EDEM3: variants seen among roughly 807,000 people sequenced by gnomAD.
EDEM3 encodes ER degradation enhancing alpha-mannosidase like protein 3, also known as ER degradation-enhancing alpha-mannosidase-like protein 3.
Under a neutral mutation model 110.2 loss-of-function variants are expected in EDEM3, and 60 were observed. The ratio of observed to expected loss-of-function variants is 0.54; its 90% CI spans 0.44 to 0.67. The LOEUF (loss-of-function observed/expected upper bound fraction) is 0.67. Ranked by LOEUF, EDEM3 falls within the 30% of genes least tolerant of loss-of-function variation. The pLI is 0.00. For missense variants in EDEM3, 996 were observed against 1,121.0 expected (o/e 0.89, Z 1.59); for synonymous variants, 352 against 382.9 (o/e 0.92, Z 0.94).
Position 184,691,560 on chromosome 1 carries a change from T to A in EDEM3, c.*2503A>T, listed in dbSNP as rs1649063037. 1 of 151,398 alleles carries A rather than the reference T, an allele frequency of 6.6e-6. No homozygotes were observed. Among genetic ancestry groups the A allele is most frequent in the Non-Finnish European group, 1.5e-5 (1 of 67,794 alleles). 9.4% of individuals were successfully genotyped at this position (151,398 alleles called of 1,614,324 possible). On this transcript the variant is annotated 3_prime_UTR_variant, in exon 20 of 20. Transcript: ENST00000318130. ...TTTCTAAATTCGGGGTTTCATAGAATCCCCTGAATCTTTAGCAAGTTACTA... is the reference window on the plus strand; with the variant it reads ...TTTCTAAATTCGGGGTTTCATAGAAACCCCTGAATCTTTAGCAAGTTACTA...
intron 16 of EDEM3, among the ~76,000 whole-genome samples, chr1:184,709,946 T>C (rs898898679): frequency 6.6e-6 from 1 of 152,198 alleles, no homozygotes; most frequent in Non-Finnish European, 1.5e-5. Context: ...AAAGACATGT[T>C]ATTTTTCCTA....
rs758387778 is a variant in EDEM3 at position 184,730,863 on chromosome 1, GA to G, written c.612+1973del. 2.8e-3 allele frequency among the ~76,000 whole-genome samples: 342 copies of G among 120,702 alleles called. 1 individual carries two copies. The highest frequency in any genetic ancestry group is 4.4e-3 in the Admixed American group (53 of 11,920). The allele number at this position is 120,702 out of a possible 152,430, so 79.2% of individuals were successfully genotyped here. On this transcript the variant is annotated intron_variant, in intron 6 of 19. Coordinates refer to ENST00000318130, the MANE Select transcript of EDEM3 (RefSeq NM_025191.4). The stretch of plus-strand genomic sequence containing the variant: ...GATGGTAAGCCTAAAGGCATGGAAT[GA>G]AAAAAAAAAAAAAACTTAGAGACTC...
At chr1:184,727,607 C>G (rs1161782696) in intron 6 of EDEM3, among the ~76,000 whole-genome samples, 1 of 152,110 alleles carries the variant, frequency 6.6e-6, no homozygotes, top group Non-Finnish European at 1.5e-5. Context: ...TAAACAAACA[C>G]CCCCTCAACA....
chr1:184,732,939 T>G lies in EDEM3; in HGVS notation c.510A>C (p.Glu170Asp). ...SLAIMLKEKG[E>D]YMQWYNDELL... is the part of the protein sequence containing the mutation. ...GTTCATCATTGTACCACTGCATATA[T>G]TCACCTTTTTCTTTCAGCATGATTG... The change falls in exon 6 of 20, where the codon GAA becomes GAC. Residue 170 changes from glutamate (E) to aspartate (D), a missense_variant. By Grantham distance (45) the Glu-to-Asp change is conservative. Around this residue, in one of 5 missense-constraint regions of EDEM3, gnomAD observed 310 missense variants for 394.6 expected, o/e 0.79. Transcript: ENST00000318130. 1 of 1,614,086 alleles carries G rather than the reference T, an allele frequency of 6.2e-7. No individual in the cohort carries two copies. The highest frequency in any genetic ancestry group is 8.5e-7 in the Non-Finnish European group (1 of 1,179,970).
intron 17 of EDEM3, 49 bp downstream of exon 17, chr1:184,708,104 C>T: frequency 1.4e-6 from 2 of 1,472,750 alleles, no homozygotes; most frequent in Non-Finnish European, 1.8e-6. Flanking sequence ...TAAGGCAATA[C>T]TTAATATTTT....
In EDEM3 at chr1:184,742,731, G is replaced by GACT. The variant is rs764554607; in HGVS notation, c.205-5023_205-5021dup. Among the ~76,000 whole-genome samples, 128 of 152,216 alleles carry GACT rather than the reference G, an allele frequency of 8.4e-4. 1 individual carries two copies. Among genetic ancestry groups the GACT allele is most frequent in the Middle Eastern group, 3.4e-3 (1 of 292 alleles). ...GTATCTTTTCATGTGTCAAATTCCT[G>GACT]ACTACTCTTTTATGTGTCAATTCCA... On this transcript the variant is annotated intron_variant, in intron 2 of 19. Transcript: ENST00000318130.
chr1:184,733,812 G>A (rs1651668946), intron 5 of EDEM3, among the ~76,000 whole-genome samples: 2 of 150,100 alleles, frequency 1.3e-5, no homozygotes, highest in East Asian at 3.9e-4. Context: ...TGGCAACACA[G>A]CGAGAGTCTG....
Position 184,711,865 on chromosome 1 carries a change from T to TA in EDEM3, c.1548dup (p.Thr517TyrfsTer5). On this transcript the variant is annotated frameshift_variant, in exon 15 of 20. Coordinates refer to ENST00000318130, the MANE Select transcript of EDEM3 (RefSeq NM_025191.4). LOFTEE classifies it high-confidence loss of function. ...TCGAAGTTACTGTCATCCAGTTCTG[T>TA]ATATTCCGAGGTCTACAAGAGAAAA... is the stretch of plus-strand genomic sequence containing the variant. The TA allele has an allele frequency of 1.2e-6, 2 of 1,608,308 alleles. No individual in the cohort carries two copies. Among genetic ancestry groups the TA allele is most frequent in the Non-Finnish European group, 1.7e-6 (2 of 1,177,956 alleles).
At chr1:184,749,681 A>G (rs932929369) in intron 1 of EDEM3, 89 bp from the exon 2 acceptor site, 29 of 1,087,308 alleles carry the variant, frequency 2.7e-5, no homozygotes, top group Non-Finnish European at 3.5e-5. Context: ...ATTCTTCCTC[A>G]TAAAAAATAT....
At chr1:184,730,408 C>T (rs973709632) in intron 6 of EDEM3, among the ~76,000 whole-genome samples, 2 of 152,102 alleles carry the variant, frequency 1.3e-5, no homozygotes, top group African/African-American at 2.4e-5. Context: ...ATAGTGAGAA[C>T]TCCATCTCTA....
At chr1:184,694,617 A>G in intron 19 of EDEM3, 145 bp from the exon 20 acceptor site, 2 of 753,850 alleles carry the variant, frequency 2.7e-6, no homozygotes, top group Non-Finnish European at 4.1e-6. Context: ...ATCAGCACTG[A>G]AATGAAGACT....
Position 184,732,943 on chromosome 1 carries a change from C to T in EDEM3, c.506G>A (p.Gly169Asp). The T allele has an allele frequency of 6.2e-7, 1 of 1,614,002 alleles. No homozygotes were observed. Among genetic ancestry groups the T allele is most frequent in the East Asian group, 2.2e-5 (1 of 44,848 alleles). Residue 169 changes from glycine (G) to aspartate (D), a missense_variant, in exon 6 of 20, where the codon GGT becomes GAT. Coordinates refer to ENST00000318130, the MANE Select transcript of EDEM3 (RefSeq NM_025191.4). ...HSLAIMLKEK[G>D]EYMQWYNDEL... ...ATCATTGTACCACTGCATATATTCACCTTTTTCTTTCAGCATGATTGCCAG... is the reference window on the plus strand; with the variant it reads ...ATCATTGTACCACTGCATATATTCATCTTTTTCTTTCAGCATGATTGCCAG...
chr1:184,717,480 T>G, intron 12 of EDEM3, 60 bp downstream of exon 12: 62 of 1,366,516 alleles, frequency 4.5e-5, no homozygotes, highest in Non-Finnish European at 5.7e-5. Flanking sequence ...TATGAAAGAA[T>G]GAGAGATCCA....
At chr1:184,743,663 A>T (rs754465824) in intron 2 of EDEM3, among the ~76,000 whole-genome samples, 3 of 152,142 alleles carry the variant, frequency 2.0e-5, no homozygotes, top group Non-Finnish European at 2.9e-5. Context: ...AAGCTGAAAG[A>T]CTTAAACTGC....
Position 184,721,405 on chromosome 1 carries a change from G to T in EDEM3, c.854-19C>A. 6.4e-7 allele frequency: 1 copy of T among 1,552,106 alleles called. No individual in the cohort carries two copies. The highest frequency in any genetic ancestry group is 8.7e-7 in the Non-Finnish European group (1 of 1,155,044). The stretch of plus-strand genomic sequence containing the variant: ...CCACTATCTATGGAAACACAAATGT[G>T]ATTTTTCATTAAATTTTTTTAAAAC... On this transcript the variant is annotated intron_variant, in intron 8 of 19. Transcript: ENST00000318130.
In EDEM3 at chr1:184,733,987, C is replaced by T. The variant is rs116747094; in HGVS notation, c.458+544G>A. Among the ~76,000 whole-genome samples, 372 of 152,292 alleles carry T rather than the reference C, an allele frequency of 2.4e-3. 1 individual carries two copies. Among genetic ancestry groups the T allele is most frequent in the African/African-American group, 8.2e-3 (342 of 41,564 alleles). On this transcript the variant is annotated intron_variant, in intron 5 of 19. Transcript: ENST00000318130. ...TGTGATGAAGCTGACTAATGTTCAA[C>T]CTATATTCCCTTTTTAACAACATAC...
In EDEM3 at chr1:184,711,934, T is replaced by C. The variant is rs1426633866; in HGVS notation, c.1537-57A>G. 9 of 1,432,662 alleles carry C rather than the reference T, an allele frequency of 6.3e-6. No individual in the cohort carries two copies. The African/African-American group carries it at 1.3e-4, about 21-fold the overall frequency. 88.7% of individuals were successfully genotyped at this position (1,432,662 alleles called of 1,614,324 possible). ...AATAATTATTTTACTTAACATAATT[T>C]TTTTTTTTTTGAAATGGAGTCTCAC... On this transcript the variant is annotated intron_variant, in intron 14 of 19. Transcript: ENST00000318130.
intron 13 of EDEM3, among the ~76,000 whole-genome samples, chr1:184,716,538 T>C (rs1650556346): frequency 6.6e-6 from 1 of 152,144 alleles, no homozygotes. Flanking sequence ...TTCCTCATCT[T>C]GGTAATTTCT....
Position 184,690,764 on chromosome 1 carries a change from T to C in EDEM3, c.*3299A>G, listed in dbSNP as rs1392842517. On this transcript the variant is annotated 3_prime_UTR_variant, in exon 20 of 20. Transcript: ENST00000318130. Reference sequence around the variant, plus strand: ...AAATTGGGCTTTTAAAAATGTCTTTTATAAAATCTGAACATACAATATTTC... The same window carrying C: ...AAATTGGGCTTTTAAAAATGTCTTTCATAAAATCTGAACATACAATATTTC... The C allele has an allele frequency of 6.6e-6, 1 of 152,560 alleles. No individual in the cohort carries two copies. The highest frequency in any genetic ancestry group is 2.4e-5 in the African/African-American group (1 of 41,438). 9.5% of individuals were successfully genotyped at this position (152,560 alleles called of 1,614,324 possible).
Sources: allele counts gnomAD v4.1 joint callset (sites outside exome capture counted in the v4.1 genomes callset), GRCh38; gene constraint gnomAD v4.1.1; regional missense constraint gnomAD v4.1.1; transcripts MANE v1.5; gene names NCBI Gene and HGNC (gene_info 2026-07-23, HGNC 2026-07-21).